Variants in ADGRL2 observed in about 807,000 individuals in gnomAD.
The protein encoded by ADGRL2 is calcium-independent alpha-latrotoxin receptor 2.
ADGRL2 carries 44 observed loss-of-function variants against 157.4 expected under a neutral mutation model. The ratio of observed to expected loss-of-function variants is 0.28; its 90% CI spans 0.22 to 0.36. ADGRL2 has a LOEUF of 0.36. Among genes scored for constraint, ADGRL2 ranks in the 10% least tolerant of loss-of-function variants. ADGRL2 has a pLI of 1.00. For synonymous variants in ADGRL2, 585 were observed against 624.7 expected (o/e 0.94, Z 0.95); for missense variants, 1,510 against 1,768.9 (o/e 0.85, Z 2.63).
At chr1:81,583,291 T>A (rs2080954997) in intron 3 of ADGRL2, among the ~76,000 whole-genome samples, 1 of 152,220 alleles carries the variant, frequency 6.6e-6, no homozygotes, top group South Asian at 2.1e-4. Context: ...CCTGAAAGGT[T>A]ATTTTGTTCA....
chr1:81,929,331 C>T (rs539878706), intron 3 of ADGRL2, among the ~76,000 whole-genome samples: 42 of 151,978 alleles, frequency 2.8e-4, no homozygotes, highest in Non-Finnish European at 3.8e-4. Flanking sequence ...CCATCGGTGA[C>T]GGGGAACGAT....
In ADGRL2 at chr1:81,877,750, C is replaced by T. The variant is rs75240090; in HGVS notation, c.74-29267C>T. Among the ~76,000 whole-genome samples, 248 of 151,912 alleles carry T rather than the reference C, an allele frequency of 1.6e-3. 8 individuals are homozygous for T. The East Asian group carries it at 0.031, about 19-fold the overall frequency. On this transcript the variant is annotated intron_variant, in intron 2 of 23. Coordinates refer to ENST00000686636, the MANE Select transcript of ADGRL2 (RefSeq NM_001366006.2). ...TGCCTTTTTGGGAAGGCAAGTTAGA[C>T]GTAGACCTTAAAAGAAATCTAGCTA...
chr1:81,551,776 A>T (rs770551191), intron 2 of ADGRL2, among the ~76,000 whole-genome samples: 1 of 152,202 alleles, frequency 6.6e-6, no homozygotes, highest in South Asian at 2.1e-4. Context: ...CTTCTGAAAC[A>T]TATAGCTTTT....
At chr1:81,721,339 T>G (rs1293877540) in intron 1 of ADGRL2, among the ~76,000 whole-genome samples, 1 of 152,176 alleles carries the variant, frequency 6.6e-6, no homozygotes, top group Non-Finnish European at 1.5e-5. Context: ...ATAACCACAC[T>G]GCTTTTAGTT....
intron 2 of ADGRL2, among the ~76,000 whole-genome samples, chr1:81,500,832 A>G (rs1234699819): frequency 6.6e-6 from 1 of 152,216 alleles, no homozygotes; most frequent in Non-Finnish European, 1.5e-5. Flanking sequence ...TAAATTTTAT[A>G]TATATTTTCC....
rs1263098108 is a variant in ADGRL2 at position 81,844,196 on chromosome 1, C to T, written c.73+7139C>T. On this transcript the variant is annotated intron_variant, in intron 2 of 23. Transcript: ENST00000686636. ...ATACTAGAGTAAATTTTAGAAATAC[C>T]GATTTTACATGCATATTAGGCATTT... 5.3e-5 allele frequency among the ~76,000 whole-genome samples: 8 copies of T among 151,804 alleles called. No homozygotes were observed. In the South Asian group the frequency reaches 1.7e-3, roughly 32 times the overall value.
At chr1:81,577,176 G>A (rs548839137) in intron 2 of ADGRL2, among the ~76,000 whole-genome samples, 1 of 152,234 alleles carries the variant, frequency 6.6e-6, no homozygotes, top group East Asian at 1.9e-4. Context: ...CTGACTGGGG[G>A]ACAGGCACTA....
chr1:81,556,153 G>A (rs1442605676), intron 2 of ADGRL2, among the ~76,000 whole-genome samples: 1 of 151,880 alleles, frequency 6.6e-6, no homozygotes, highest in Non-Finnish European at 1.5e-5. Flanking sequence ...TGAGAGCTCT[G>A]GAAGCATTAC....
At chr1:81,360,340 C>T (rs2075956493) in intron 1 of ADGRL2, among the ~76,000 whole-genome samples, 2 of 151,752 alleles carry the variant, frequency 1.3e-5, no homozygotes, top group African/African-American at 2.4e-5. Context: ...GAGACTTTTC[C>T]CAGCCACAAA....
At chr1:81,717,364 A>G (rs2084154599) in intron 1 of ADGRL2, among the ~76,000 whole-genome samples, 2 of 152,240 alleles carry the variant, frequency 1.3e-5, no homozygotes, top group South Asian at 4.1e-4. Context: ...GCTATGCATC[A>G]TCATGCTTTG....
intron 3 of ADGRL2, among the ~76,000 whole-genome samples, chr1:81,935,278 T>C (rs573012961): frequency 6.6e-6 from 1 of 152,082 alleles, no homozygotes; most frequent in South Asian, 2.1e-4. Flanking sequence ...ATTATTTACG[T>C]TCTTGAAAAT....
chr1:81,902,084 A>G (rs1185461726), intron 2 of ADGRL2, among the ~76,000 whole-genome samples: 1 of 152,112 alleles, frequency 6.6e-6, no homozygotes, highest in Admixed American at 6.6e-5. Flanking sequence ...GACAACCCAA[A>G]GGGTAGAGTT....
intron 1 of ADGRL2, among the ~76,000 whole-genome samples, chr1:81,338,289 G>A (rs113543926): frequency 9.2e-5 from 14 of 152,110 alleles, no homozygotes; most frequent in Non-Finnish European, 1.5e-4. Context: ...CTTAAACCCG[G>A]GAGGCAGAAG....
At chr1:81,424,292 C>T (rs60770321) in intron 1 of ADGRL2, among the ~76,000 whole-genome samples, 9,420 of 152,198 alleles carry the variant, frequency 0.062, 429 homozygotes, top group East Asian at 0.25. Context: ...ACAGGAGGCA[C>T]GAAGGAAGTG....
intron 3 of ADGRL2, among the ~76,000 whole-genome samples, chr1:81,581,872 G>A (rs929711305): frequency 5.5e-4 from 47 of 85,358 alleles, no homozygotes; most frequent in African/African-American, 8.9e-4. Context: ...ACACACATGC[G>A]CGCACACACA....
At chr1:81,754,503 CCT>C (rs2085606358) in intron 1 of ADGRL2, among the ~76,000 whole-genome samples, 1 of 128,658 alleles carries the variant, frequency 7.8e-6, no homozygotes, top group African/African-American at 3.0e-5. Flanking sequence ...TTCTTTCCTT[CCT>C]CTTTCTTTCT....
At chr1:81,736,048 C>T (rs962993234) in intron 1 of ADGRL2, among the ~76,000 whole-genome samples, 3 of 149,300 alleles carry the variant, frequency 2.0e-5, no homozygotes, top group African/African-American at 7.4e-5. Context: ...GAGGCTGAGG[C>T]AGGAGAATGG....
intron 2 of ADGRL2, among the ~76,000 whole-genome samples, chr1:81,854,423 G>A (rs1242394438): frequency 1.3e-5 from 2 of 152,152 alleles, no homozygotes; most frequent in African/African-American, 4.8e-5. Context: ...GCAACTTTTG[G>A]TGTAACGTCC....
chr1:81,339,117 T>A (rs1661869304), intron 1 of ADGRL2, among the ~76,000 whole-genome samples: 1 of 152,176 alleles, frequency 6.6e-6, no homozygotes, highest in African/African-American at 2.4e-5. Flanking sequence ...TGTATCTGTA[T>A]AACTAATATT....
Sources: allele counts gnomAD v4.1 joint callset (sites outside exome capture counted in the v4.1 genomes callset), GRCh38; gene constraint gnomAD v4.1.1; transcripts MANE v1.5; gene names NCBI Gene and HGNC (gene_info 2026-07-23, HGNC 2026-07-21).